The following PAWR variants were observed in gnomAD, a reference collection of about 807,000 sequenced individuals.
PAWR encodes pro-apoptotic WT1 regulator.
A neutral mutation model predicts 32.0 loss-of-function variants in PAWR; 23 were observed. The ratio of observed to expected loss-of-function variants is 0.72; its 90% CI spans 0.52 to 1.02. The LOEUF (loss-of-function observed/expected upper bound fraction) is 1.02, where lower values mean the gene tolerates loss of function less well. Among genes scored for constraint, PAWR ranks in the 50% least tolerant of loss-of-function variants. The pLI is 0.00. For missense variants in PAWR, 457 were observed against 437.7 expected (o/e 1.04, Z -0.39); for synonymous variants, 226 against 187.1 (o/e 1.21, Z -1.70).
rs138520316 is a variant in PAWR, at chr12:79,681,045, G to C, written c.516+8684C>G. Among the ~76,000 whole-genome samples, 613 of 148,536 alleles carry C rather than the reference G, an allele frequency of 4.1e-3. 12 individuals carry two copies. Among genetic ancestry groups the C allele is most frequent in the African/African-American group, 0.014 (582 of 40,548 alleles). On this transcript the variant is annotated intron_variant, in intron 2 of 6. Coordinates refer to ENST00000328827, the MANE Select transcript of PAWR (RefSeq NM_002583.4). ...TGGGAGGATCTCTTGAACTCAGGAG[G>C]TTGAGTCTGCAGTGAGCCATGATCG... is the stretch of plus-strand genomic sequence containing the variant.
intron 2 of PAWR, among the ~76,000 whole-genome samples, chr12:79,688,129 T>C (rs1371741961): frequency 6.6e-6 from 1 of 152,066 alleles, no homozygotes; most frequent in African/African-American, 2.4e-5. Flanking sequence ...CTCAGCACTA[T>C]GTTCTCTTAC....
intron 2 of PAWR, among the ~76,000 whole-genome samples, chr12:79,641,172 G>A (rs969394045): frequency 6.6e-6 from 1 of 151,950 alleles, no homozygotes; most frequent in African/African-American, 2.4e-5. Flanking sequence ...TTTTTTAAAT[G>A]TTTAAGAAAA....
intron 2 of PAWR, among the ~76,000 whole-genome samples, chr12:79,628,930 A>G (rs1875475420): frequency 6.6e-6 from 1 of 152,142 alleles, no homozygotes; most frequent in Non-Finnish European, 1.5e-5. Flanking sequence ...GTATAATATT[A>G]CATAAAAGCA....
chr12:79,651,969 A>ATC (rs1281066126), intron 2 of PAWR, among the ~76,000 whole-genome samples: 3 of 152,246 alleles, frequency 2.0e-5, no homozygotes, highest in African/African-American at 7.2e-5. Context: ...CTTTGAAGAC[A>ATC]TTATGCTAGA....
At chr12:79,635,423 T>C (rs1412106287) in intron 2 of PAWR, 2 of 152,106 alleles carry the variant, frequency 1.3e-5, no homozygotes, top group African/African-American at 4.8e-5. Context: ...GCTACCCACA[T>C]TGCAATTTGA....
rs1236874626 is a variant in PAWR, at chr12:79,585,731, G to C, written c.*6876C>G. ...CTATATTGATTATTTTTATTTTTGA[G>C]GTAGAGTCTTGCTCTGTCACCCAGG... On this transcript the variant is annotated 3_prime_UTR_variant, in exon 7 of 7. Transcript: ENST00000328827. The C allele has an allele frequency of 6.6e-6, 1 of 152,346 alleles. No homozygotes were observed. The highest frequency in any genetic ancestry group is 1.5e-5 in the Non-Finnish European group (1 of 68,278). The allele number at this position is 152,346 out of a possible 1,614,324, so 9.4% of individuals were successfully genotyped here.
At chr12:79,642,181 TGCTTAATAG>T in intron 2 of PAWR, among the ~76,000 whole-genome samples, 1 of 152,340 alleles carries the variant, frequency 6.6e-6, no homozygotes, top group South Asian at 2.1e-4. Context: ...AATATATGGC[TGCTTAATAG>T]ATAAGACTAC....
intron 2 of PAWR, among the ~76,000 whole-genome samples, chr12:79,663,812 T>G (rs946419583): frequency 6.6e-6 from 1 of 152,084 alleles, no homozygotes; most frequent in Non-Finnish European, 1.5e-5. Flanking sequence ...CAGTGTGAAC[T>G]TCTGACACAG....
At chr12:79,633,032 G>A (rs1875786327) in intron 2 of PAWR, among the ~76,000 whole-genome samples, 1 of 152,074 alleles carries the variant, frequency 6.6e-6, no homozygotes, top group African/African-American at 2.4e-5. Flanking sequence ...TACTTGGGAG[G>A]TGGAGGTAGG....
chr12:79,637,952 G>A (rs1876045722), intron 2 of PAWR, among the ~76,000 whole-genome samples: 1 of 151,990 alleles, frequency 6.6e-6, no homozygotes, highest in African/African-American at 2.4e-5. Context: ...ATCATCTCTT[G>A]TAACAAAAAT....
chr12:79,645,362 G>A (rs999134979), intron 2 of PAWR, among the ~76,000 whole-genome samples: 9 of 152,160 alleles, frequency 5.9e-5, no homozygotes, highest in African/African-American at 2.2e-4. Flanking sequence ...CTAAGAGTGT[G>A]ATGAACAGAG....
intron 4 of PAWR, chr12:79,603,602 CTTA>C (rs1343639673): frequency 2.7e-5 from 4 of 149,352 alleles, no homozygotes; most frequent in African/African-American, 9.9e-5. Context: ...AAAAGTTTAA[CTTA>C]TTAACAATTT....
At chr12:79,645,415 G>A (rs1306611331) in intron 2 of PAWR, among the ~76,000 whole-genome samples, 1 of 152,150 alleles carries the variant, frequency 6.6e-6, no homozygotes, top group Non-Finnish European at 1.5e-5. Context: ...AAACTGAAAT[G>A]ACACTGGAAC....
At chr12:79,617,997 G>A (rs116567918) in intron 3 of PAWR, among the ~76,000 whole-genome samples, 3 of 152,282 alleles carry the variant, frequency 2.0e-5, no homozygotes, top group African/African-American at 7.2e-5. Flanking sequence ...TTGATGCCAT[G>A]CTTGTGTAGC....
At chr12:79,634,905 A>C (rs1227372279) in intron 2 of PAWR, among the ~76,000 whole-genome samples, 1 of 152,090 alleles carries the variant, frequency 6.6e-6, no homozygotes, top group Non-Finnish European at 1.5e-5. Flanking sequence ...TAAAGAGGCT[A>C]TCTGGAGGAA....
chr12:79,650,414 AC>A (rs948971267), intron 2 of PAWR, among the ~76,000 whole-genome samples: 1 of 152,142 alleles, frequency 6.6e-6, no homozygotes, highest in African/African-American at 2.4e-5. Context: ...CAAATATTGG[AC>A]CTTCAGACTC....
intron 2 of PAWR, among the ~76,000 whole-genome samples, chr12:79,666,902 G>A (rs1877634533): frequency 6.6e-6 from 1 of 152,158 alleles, no homozygotes; most frequent in African/African-American, 2.4e-5. Context: ...TGAAAAGTTT[G>A]GTGTGAAAGA....
chr12:79,682,396 T>A (rs1488413297), intron 2 of PAWR, among the ~76,000 whole-genome samples: 1 of 152,226 alleles, frequency 6.6e-6, no homozygotes, highest in Admixed American at 6.5e-5. Flanking sequence ...AATTCTCTCC[T>A]ATCTGTTCAC....
At chr12:79,648,866 C>T (rs1049992496) in intron 2 of PAWR, among the ~76,000 whole-genome samples, 1 of 151,820 alleles carries the variant, frequency 6.6e-6, no homozygotes, top group African/African-American at 2.4e-5. Context: ...AATCCTCCTA[C>T]ACTTGGAATA....
Sources: gnomAD v4.1 joint callset for allele counts (sites outside exome capture counted in the v4.1 genomes callset) on GRCh38, gnomAD v4.1.1 for gene constraint, MANE v1.5 for transcripts, NCBI Gene and HGNC (gene_info 2026-07-23, HGNC 2026-07-21) for gene names.